The following MAP1B variants were observed in gnomAD, a reference collection of about 807,000 sequenced individuals.
MAP1B encodes the protein microtubule associated protein 1B.
Under a neutral mutation model 176.1 loss-of-function variants are expected in MAP1B, and 12 were observed. That is an observed-to-expected ratio of 0.07 (90% CI 0.04 to 0.11). The LOEUF (loss-of-function observed/expected upper bound fraction) is 0.11, where lower values mean the gene tolerates loss of function less well. Among genes scored for constraint, MAP1B ranks in the 10% least tolerant of loss-of-function variants. The pLI, the probability that MAP1B is intolerant of heterozygous loss-of-function variation, is 1.00. For missense variants in MAP1B, 2,523 were observed against 2,990.5 expected (o/e 0.84, Z 3.65); for synonymous variants, 1,044 against 1,135.0 (o/e 0.92, Z 1.61).
rs1039940507 is a variant in MAP1B at position 72,193,875 on chromosome 5, T to C, written c.520T>C (p.Leu174=). Residue 174 remains leucine (L), a synonymous_variant, in exon 5 of 7, where the codon TTA becomes CTA. Transcript: ENST00000296755. ...TTTCTTTAAAACCCAGATCGGGGAG[T>C]TACTAAGCACCACCCATCCTGCCAA... ...EIFTDQEIGE[L]LSTTHPANKA... 1.3e-6 allele frequency: 2 copies of C among 1,583,806 alleles called. No homozygotes were observed. The highest frequency in any genetic ancestry group is 1.4e-5 in the African/African-American group (1 of 73,138).
In MAP1B at chr5:72,199,941, A is replaced by C. The variant is rs1747292455; in HGVS notation, c.6586A>C (p.Lys2196Gln). The change falls in exon 5 of 7, where the codon AAA becomes CAA. Residue 2196 changes from lysine (K) to glutamine (Q), a missense_variant. By Grantham distance (53) the Lys-to-Gln change is moderately conservative (BLOSUM62 1). Coordinates refer to ENST00000296755, the MANE Select transcript of MAP1B (RefSeq NM_005909.5). The surrounding 1 kb of genome is among the most constrained non-coding windows in gnomAD (Gnocchi z 4.2). ...CCCCACAGACAAAACTGTCACGTAC[A>C]AACACATGGACCCACCTCCAGCTCC... is the stretch of plus-strand genomic sequence containing the variant. Reference protein sequence around the residue: ...TIPTDKTVTYKHMDPPPAPVQ... With the variant: ...TIPTDKTVTYQHMDPPPAPVQ... 2.5e-6 allele frequency: 4 copies of C among 1,614,178 alleles called. No individual in the cohort carries two copies. Among genetic ancestry groups the C allele is most frequent in the Non-Finnish European group, 3.4e-6 (4 of 1,180,028 alleles).
chr5:72,183,772 G>A lies in MAP1B; in HGVS notation c.316G>A (p.Val106Ile), dbSNP rs141301811. Reference sequence around the variant, plus strand: ...AAAGATCCTTCATCACCGAAGTGACGTTTTAGAAACAGTGGTCCTGATCAA... The same window carrying A: ...AAAGATCCTTCATCACCGAAGTGACATTTTAGAAACAGTGGTCCTGATCAA... ...GQKILHHRSD[V>I]LETVVLINPS... The change falls in exon 3 of 7, where the codon GTT (valine) becomes ATT (isoleucine). Residue 106 changes from valine (V) to isoleucine (I), a missense_variant. Physicochemically the swap from Val to Ile is conservative, Grantham distance 29. Coordinates refer to ENST00000296755, the MANE Select transcript of MAP1B (RefSeq NM_005909.5). The A allele has an allele frequency of 7.9e-4, 1,270 of 1,614,094 alleles. 3 individuals carry two copies. The African/African-American group carries it at 0.012, about 16-fold the overall frequency.
At chr5:72,179,393 CT>C (rs889017121) in intron 2 of MAP1B, among the ~76,000 whole-genome samples, 1 of 152,234 alleles carries the variant, frequency 6.6e-6, no homozygotes, top group African/African-American at 2.4e-5. Context: ...GGCTGCCTTT[CT>C]TTCCTGGGAA....
chr5:72,167,138 G>T (rs1160010352), intron 2 of MAP1B, among the ~76,000 whole-genome samples: 3 of 151,916 alleles, frequency 2.0e-5, no homozygotes, highest in African/African-American at 7.3e-5. Context: ...GGGAAACAGG[G>T]GATCCAAATT....
rs1053346971 is a variant in MAP1B, at chr5:72,186,933, A to C, written c.510+179A>C. Among the ~76,000 whole-genome samples the C allele has an allele frequency of 2.9e-4, 44 of 152,226 alleles. No homozygotes were observed. Among genetic ancestry groups the C allele is most frequent in the Admixed American group, 3.3e-4 (5 of 15,288 alleles). On this transcript the variant is annotated intron_variant, in intron 4 of 6. Transcript: ENST00000296755. The surrounding 1 kb of genome is among the most constrained non-coding windows in gnomAD (Gnocchi z 4.3). ...ATGGCTCATTGCCAAAAGAATTTAG[A>C]GCACTCATTTACAATTAATTGGAAT...
chr5:72,119,852 A>G (rs780229456), intron 2 of MAP1B, among the ~76,000 whole-genome samples: 21 of 152,206 alleles, frequency 1.4e-4, no homozygotes, highest in Non-Finnish European at 2.6e-4. Context: ...TTTAAATACT[A>G]TCATAAAATT....
At chr5:72,125,077 G>A (rs1202036397) in intron 2 of MAP1B, among the ~76,000 whole-genome samples, 1 of 152,224 alleles carries the variant, frequency 6.6e-6, no homozygotes, top group Non-Finnish European at 1.5e-5. Context: ...AAGTTTTGAT[G>A]TGTGAAAGAT....
intron 2 of MAP1B, among the ~76,000 whole-genome samples, chr5:72,153,208 C>T (rs1391753960): frequency 2.6e-5 from 4 of 151,976 alleles, no homozygotes; most frequent in South Asian, 4.2e-4. Context: ...CAGGAGGCAG[C>T]GGGTTAGCTG....
chr5:72,198,841 C>G lies in MAP1B; in HGVS notation c.5486C>G (p.Pro1829Arg). ...SPPIDAASAE[P>R]YGFRASVLFD... is the part of the protein sequence containing the mutation. The stretch of plus-strand genomic sequence containing the variant: ...CCAATAGATGCAGCATCCGCAGAGC[C>G]CTATGGCTTCCGTGCCTCAGTGTTA... The change falls in exon 5 of 7, where the codon CCC (proline) becomes CGC (arginine). Residue 1829 changes from proline (P) to arginine (R), a missense_variant. Around this residue, in one of 4 missense-constraint regions of MAP1B, gnomAD observed 1,925 missense variants for 2,126.0 expected, o/e 0.91. Transcript: ENST00000296755. 4 of 1,614,226 alleles carry G rather than the reference C, an allele frequency of 2.5e-6. No individual in the cohort carries two copies. The highest frequency in any genetic ancestry group is 2.5e-6 in the Non-Finnish European group (3 of 1,180,046).
chr5:72,107,830 C>G (rs1353287246), intron 1 of MAP1B, 115 bp downstream of exon 1: 2 of 1,027,136 alleles, frequency 1.9e-6, no homozygotes, highest in Admixed American at 2.2e-5. Flanking sequence ...TGCCTCTCCT[C>G]GTCACCTCTC....
chr5:72,179,885 A>G (rs1580010292), intron 2 of MAP1B: 1 of 985,560 alleles, frequency 1.0e-6, no homozygotes, highest in African/African-American at 1.7e-5. Flanking sequence ...ACTGGTCTGA[A>G]GATTGACTTG....
intron 2 of MAP1B, 76 bp from the exon 3 acceptor site, chr5:72,183,667 C>A: frequency 5.8e-6 from 6 of 1,040,298 alleles, no homozygotes; most frequent in Non-Finnish European, 9.0e-6. Flanking sequence ...CCTCTGCTGT[C>A]CCAGGAGCAG....
Position 72,186,602 on chromosome 5 carries a change from G to A in MAP1B, c.370-12G>A, listed in dbSNP as rs1222960570. 1 of 1,613,650 alleles carries A rather than the reference G, an allele frequency of 6.2e-7. No homozygotes were observed. The highest frequency in any genetic ancestry group is 2.2e-5 in the East Asian group (1 of 44,884). On this transcript the variant is annotated splice_polypyrimidine_tract_variant and intron_variant, in intron 3 of 6. Transcript: ENST00000296755. This position sits in a 1 kb window ranked among gnomAD's most constrained non-coding sequence, Gnocchi z 4.3. ...CCATGGCTCAGGGCCTACGTTCTGT[G>A]CTTTATTTCAGGTGCGCTTAATGAT...
At chr5:72,176,195 A>G (rs1403769663) in intron 2 of MAP1B, among the ~76,000 whole-genome samples, 1 of 151,782 alleles carries the variant, frequency 6.6e-6, no homozygotes, top group Non-Finnish European at 1.5e-5. Flanking sequence ...CTGGGTCCAC[A>G]CACACGTGTG....
chr5:72,183,931 G>C, intron 3 of MAP1B, 106 bp downstream of exon 3: 2 of 962,446 alleles, frequency 2.1e-6, no homozygotes, highest in Non-Finnish European at 3.2e-6. Context: ...GGACACAACA[G>C]AGAGAAGTTC....
At chr5:72,133,865 G>C (rs1160029342) in intron 2 of MAP1B, among the ~76,000 whole-genome samples, 1 of 152,168 alleles carries the variant, frequency 6.6e-6, no homozygotes, top group Non-Finnish European at 1.5e-5. Flanking sequence ...TCAGGATTAT[G>C]GTTTCTTTGT....
intron 4 of MAP1B, among the ~76,000 whole-genome samples, chr5:72,188,475 C>T (rs1310434756): frequency 6.6e-6 from 1 of 152,144 alleles, no homozygotes; most frequent in Non-Finnish European, 1.5e-5. Flanking sequence ...GGTTTCTACC[C>T]AAGTCATTGG....
At chr5:72,155,766 CT>C (rs11330287) in intron 2 of MAP1B, among the ~76,000 whole-genome samples, 14,372 of 126,278 alleles carry the variant, frequency 0.11, 428 homozygotes, top group African/African-American at 0.14. Flanking sequence ...ATTTTCTTTT[CT>C]TTTTTTTTTT....
In MAP1B at chr5:72,205,413, T is replaced by C; in HGVS notation, c.*174T>C. On this transcript the variant is annotated 3_prime_UTR_variant, in exon 7 of 7. Coordinates refer to ENST00000296755, the MANE Select transcript of MAP1B (RefSeq NM_005909.5). ...CACTAAATTTCTCAGTTTTTGCTGA[T>C]TGCTAAGGGAAATAACAGTATTTCC... 4.8e-6 allele frequency: 3 copies of C among 627,714 alleles called. No individual in the cohort carries two copies. The highest frequency in any genetic ancestry group is 2.2e-5 in the South Asian group (1 of 45,064). 38.9% of individuals were successfully genotyped at this position (627,714 alleles called of 1,614,324 possible). A position where few individuals can be genotyped will look rare whatever the true frequency, so the allele number is the denominator to read the frequency against.
Sources: gnomAD v4.1 joint callset for allele counts (sites outside exome capture counted in the v4.1 genomes callset) on GRCh38, gnomAD v4.1.1 for gene constraint, gnomAD v4.1.1 regional missense constraint, Gnocchi (gnomAD v3.1) non-coding constraint, MANE v1.5 for transcripts, NCBI Gene and HGNC (gene_info 2026-07-23, HGNC 2026-07-21) for gene names.